The following CSNK2A2IP variants were observed in gnomAD, a reference collection of about 807,000 sequenced individuals.
The protein encoded by CSNK2A2IP is casein kinase 2 subunit alpha' interacting protein.
At chr3:88,361,582 C>G in the CSNK2A2IP span, among the ~76,000 whole-genome samples, 3 of 152,112 alleles carry the variant, frequency 2.0e-5, no homozygotes, top group Admixed American at 6.5e-5. Context: ...TTGATTATTA[C>G]ATGCCTTGAG....
the CSNK2A2IP span, among the ~76,000 whole-genome samples, chr3:88,366,426 G>T: frequency 2.0e-5 from 3 of 152,026 alleles, no homozygotes; most frequent in Non-Finnish European, 2.9e-5. Context: ...AATTATGAGA[G>T]AAAAATTTAT....
the CSNK2A2IP span, among the ~76,000 whole-genome samples, chr3:88,457,695 C>CAAAATAAATAAAATAAAATAAAAT: frequency 9.1e-6 from 1 of 110,300 alleles, no homozygotes. Context: ...GACTCAGTCT[C>CAAAATAAATAAAATAAAATAAAAT]AAAATAAAAT....
At chr3:88,449,635 C>T in the CSNK2A2IP span, among the ~76,000 whole-genome samples, 1 of 150,394 alleles carries the variant, frequency 6.6e-6, no homozygotes, top group South Asian at 2.1e-4. Context: ...TCCCCTGCAA[C>T]CCCCCATGTC....
At chr3:88,375,358 C>T in the CSNK2A2IP span, among the ~76,000 whole-genome samples, 4 of 151,702 alleles carry the variant, frequency 2.6e-5, no homozygotes, top group Non-Finnish European at 5.9e-5. Flanking sequence ...TTGGGTGAAC[C>T]TTATGGTAGA....
chr3:88,402,760 G>A, the CSNK2A2IP span, among the ~76,000 whole-genome samples: 1 of 152,136 alleles, frequency 6.6e-6, no homozygotes, highest in Admixed American at 6.5e-5. Flanking sequence ...GAAGTGTGCA[G>A]TTCAACTTCA....
the CSNK2A2IP span, among the ~76,000 whole-genome samples, chr3:88,381,356 G>A: frequency 1.3e-5 from 2 of 152,258 alleles, no homozygotes; most frequent in African/African-American, 2.4e-5. Context: ...ATTCTCAATG[G>A]TATTGGTCAA....
the CSNK2A2IP span, among the ~76,000 whole-genome samples, chr3:88,360,779 G>GTA: frequency 1.3e-5 from 2 of 151,728 alleles, no homozygotes; most frequent in Admixed American, 1.3e-4. Context: ...CTTTTGTTGT[G>GTA]TATAAGTGGA....
chr3:88,435,027 G>C, the CSNK2A2IP span, among the ~76,000 whole-genome samples: 1 of 152,146 alleles, frequency 6.6e-6, no homozygotes, highest in Non-Finnish European at 1.5e-5. Context: ...GTCAGATGTG[G>C]CCTAGGAGGA....
At chr3:88,364,321 T>G in the CSNK2A2IP span, among the ~76,000 whole-genome samples, 7 of 152,124 alleles carry the variant, frequency 4.6e-5, no homozygotes, top group African/African-American at 1.7e-4. Context: ...ATGGTAAATC[T>G]AGTTATTGTT....
chr3:88,448,135 G>A, the CSNK2A2IP span, among the ~76,000 whole-genome samples: 1 of 152,288 alleles, frequency 6.6e-6, no homozygotes, highest in African/African-American at 2.4e-5. Context: ...GACTTGAAGA[G>A]GAAGAATGTT....
chr3:88,346,828 T>A, the CSNK2A2IP span, among the ~76,000 whole-genome samples: 1 of 151,958 alleles, frequency 6.6e-6, no homozygotes, highest in Non-Finnish European at 1.5e-5. Flanking sequence ...AAGGAGTAAT[T>A]TTATTTTTTA....
At chr3:88,418,505 C>T in the CSNK2A2IP span, among the ~76,000 whole-genome samples, 25,837 of 151,562 alleles carry the variant, frequency 0.17, 2,874 homozygotes, top group East Asian at 0.35. Flanking sequence ...TGACTTTCTC[C>T]TCTATTCTTC....
At chr3:88,459,757 G>C in the CSNK2A2IP span, among the ~76,000 whole-genome samples, 1 of 152,060 alleles carries the variant, frequency 6.6e-6, no homozygotes, top group African/African-American at 2.4e-5. Flanking sequence ...ATGAGAAATG[G>C]AAGTTGGATG....
At chr3:88,372,673 A>G in the CSNK2A2IP span, among the ~76,000 whole-genome samples, 1 of 151,402 alleles carries the variant, frequency 6.6e-6, no homozygotes, top group African/African-American at 2.4e-5. Flanking sequence ...ATCAATAGAG[A>G]TTGTCACAAT....
chr3:88,467,101 G>A, the CSNK2A2IP span: 16 of 573,544 alleles, frequency 2.8e-5, no homozygotes, highest in South Asian at 8.9e-5. Context: ...GGTAGCCCCC[G>A]AAAACAAAGT....
chr3:88,464,792 T>C, the CSNK2A2IP span, among the ~76,000 whole-genome samples: 25 of 152,236 alleles, frequency 1.6e-4, no homozygotes, highest in Admixed American at 1.1e-3. Flanking sequence ...CAGTGATAAC[T>C]ACTGCATTTT....
chr3:88,450,926 G>A, the CSNK2A2IP span, among the ~76,000 whole-genome samples: 8 of 152,098 alleles, frequency 5.3e-5, no homozygotes, highest in East Asian at 1.9e-4. Flanking sequence ...AGAAATCTCC[G>A]TATTGTTTTT....
the CSNK2A2IP span, among the ~76,000 whole-genome samples, chr3:88,353,766 T>A: frequency 2.6e-5 from 4 of 152,200 alleles, no homozygotes; most frequent in African/African-American, 7.2e-5. Flanking sequence ...GAAAGAATTT[T>A]GAGGAGTTGG....
the CSNK2A2IP span, among the ~76,000 whole-genome samples, chr3:88,345,761 A>G: frequency 8.5e-5 from 11 of 129,314 alleles, no homozygotes; most frequent in Non-Finnish European, 1.3e-4. Context: ...CCAAGACAGA[A>G]TATTGTTGAA....
Sources: allele counts gnomAD v4.1 joint callset (sites outside exome capture counted in the v4.1 genomes callset), GRCh38; gene constraint gnomAD v4.1.1; transcripts MANE v1.5; gene names NCBI Gene and HGNC (gene_info 2026-07-23, HGNC 2026-07-21).